ANO9: variants seen among roughly 807,000 people sequenced by gnomAD.
ANO9 encodes anoctamin-9.
In ANO9, 80 loss-of-function variants were observed where a neutral mutation model predicts 100.5. The observed-to-expected ratio is 0.80, with a 90% CI of 0.66 to 0.96. The LOEUF (loss-of-function observed/expected upper bound fraction) is 0.96, where lower values mean the gene tolerates loss of function less well. Ranked by LOEUF, ANO9 falls within the 40% of genes least tolerant of loss-of-function variation. The probability of loss-of-function intolerance (pLI) is 0.00; values close to 1 mark genes in which losing one functional copy is unlikely to be tolerated. For missense variants in ANO9, 1,064 were observed against 1,072.7 expected (o/e 0.99, Z 0.11); for synonymous variants, 473 against 435.6 (o/e 1.09, Z -1.07).
rs376441794 is a variant in ANO9 at position 428,718 on chromosome 11, G to C, written c.1020+4C>G. The C allele has an allele frequency of 6.2e-7, 1 of 1,613,096 alleles. No homozygotes were observed. The highest frequency in any genetic ancestry group is 8.5e-7 in the Non-Finnish European group (1 of 1,179,916). ...CCAGCCCCACCGCGGTGTCCCCTGC[G>C]TACCATGAGCAGGGTCAGGACGAGG... is the stretch of plus-strand genomic sequence containing the variant. On this transcript the variant is annotated splice_donor_region_variant and intron_variant, in intron 12 of 22. Coordinates refer to ENST00000332826, the MANE Select transcript of ANO9 (RefSeq NM_001012302.3).
chr11:428,203 G>A lies in ANO9; in HGVS notation c.1223-4C>T. ...TCCGAGAAGGTCCTGGGCATCTCTG[G>A]AATGGGACCGGCCCTCACCTCTCTC... On this transcript the variant is annotated splice_polypyrimidine_tract_variant and splice_region_variant and intron_variant, in intron 14 of 22. Coordinates refer to ENST00000332826, the MANE Select transcript of ANO9 (RefSeq NM_001012302.3). 1.2e-6 allele frequency: 2 copies of A among 1,611,994 alleles called. No individual in the cohort carries two copies. Among genetic ancestry groups the A allele is most frequent in the Non-Finnish European group, 1.7e-6 (2 of 1,179,564 alleles).
rs1847967766 is a variant in ANO9 at position 418,411 on chromosome 11, G to A, written c.2309C>T (p.Thr770Ile). ...GSRPPMPAHP[T>I]PASIFSARST... ...CCTGGCACTGAAGATGGATGCTGGG[G>A]TGGGATGGGCAGGCATTGGGGGCCG... The change falls in exon 23 of 23, where the codon ACC becomes ATC. Residue 770 changes from threonine (T) to isoleucine (I), a missense_variant. By Grantham distance (89) the Thr-to-Ile change is moderately conservative (BLOSUM62 -1). Coordinates refer to ENST00000332826, the MANE Select transcript of ANO9 (RefSeq NM_001012302.3). 8 of 1,612,406 alleles carry A rather than the reference G, an allele frequency of 5.0e-6. No homozygotes were observed. In the African/African-American group the frequency reaches 6.7e-5, roughly 13 times the overall value.
rs746855069 is a variant in ANO9, at chr11:430,370, G to A, written c.573C>T (p.Phe191=). The change falls in exon 8 of 23, where the codon TTC becomes TTT. Residue 191 remains phenylalanine (F), a synonymous_variant. Coordinates refer to ENST00000332826, the MANE Select transcript of ANO9 (RefSeq NM_001012302.3). The part of the protein sequence containing the change: ...NYFGEKVALY[F]VWLGWYTYML... ...TGTAGGTGTACCAGCCCAGCCAGACGAAGTACAGGGCCACCTTTTCCCCAA... is the reference window on the plus strand; with the variant it reads ...TGTAGGTGTACCAGCCCAGCCAGACAAAGTACAGGGCCACCTTTTCCCCAA... 1.1e-5 allele frequency: 17 copies of A among 1,604,278 alleles called. 1 individual carries two copies. Among genetic ancestry groups the A allele is most frequent in the Admixed American group, 8.5e-5 (5 of 59,090 alleles).
chr11:419,375 G>T, intron 20 of ANO9: 1 of 1,419,858 alleles, frequency 7.0e-7, no homozygotes, highest in Non-Finnish European at 9.2e-7. Context: ...CCCAACTGCG[G>T]TCCTGGCCAG....
chr11:421,303 G>A lies in ANO9; in HGVS notation c.1335-105C>T. 8.1e-7 allele frequency: 1 copy of A among 1,231,332 alleles called. No homozygotes were observed. The highest frequency in any genetic ancestry group is 1.1e-6 in the Non-Finnish European group (1 of 917,822). 76.3% of individuals were successfully genotyped at this position (1,231,332 alleles called of 1,614,324 possible). On this transcript the variant is annotated intron_variant, in intron 15 of 22. Transcript: ENST00000332826. This position sits in a 1 kb window ranked among gnomAD's most constrained non-coding sequence, Gnocchi z 6.8. ...GTAGGAAAGACACAGAACAGGCGGG[G>A]CAGGCCCTGCAGGTGAGCGGGGCAC... is the stretch of plus-strand genomic sequence containing the variant.
intron 1 of ANO9, among the ~76,000 whole-genome samples, chr11:438,579 G>A (rs1384800219): frequency 2.0e-5 from 3 of 150,894 alleles, no homozygotes; most frequent in African/African-American, 4.9e-5. Context: ...CCGTCCATCT[G>A]TCCATCCGTC....
rs545589353 is a variant in ANO9, at chr11:433,450, C to T, written c.214G>A (p.Asp72Asn). The change falls in exon 4 of 23, where the codon GAC (aspartate) becomes AAC (asparagine). Residue 72 changes from aspartate to asparagine, a missense_variant. Coordinates refer to ENST00000332826, the MANE Select transcript of ANO9 (RefSeq NM_001012302.3). ...ATCCCAAAGAAGACCTGTTTCTGGTCCCGGATCACCTGGGGGCACATGGGA... is the reference window on the plus strand; with the variant it reads ...ATCCCAAAGAAGACCTGTTTCTGGTTCCGGATCACCTGGGGGCACATGGGA... ...RKGFHIKVIR[D>N]QKQVFFGIRA... 3 of 1,613,256 alleles carry T rather than the reference C, an allele frequency of 1.9e-6. No individual in the cohort carries two copies. The highest frequency in any genetic ancestry group is 1.1e-5 in the South Asian group (1 of 91,076).
At position 421,434 on chromosome 11, in the gene ANO9, G is replaced by GGC. The variant is rs1286096729; in HGVS notation, c.1335-238_1335-237dup. ...CCCAGATGAACCGCACCCACACGTG[G>GGC]GCGCGCGCACACACACACACACCCC... is the stretch of plus-strand genomic sequence containing the variant. On this transcript the variant is annotated intron_variant, in intron 15 of 22. Transcript: ENST00000332826. This position sits in a 1 kb window ranked among gnomAD's most constrained non-coding sequence, Gnocchi z 6.8. 3.9e-5 allele frequency: 15 copies of GGC among 389,292 alleles called. No homozygotes were observed. The highest frequency in any genetic ancestry group is 2.6e-4 in the African/African-American group (11 of 42,480). 24.1% of individuals were successfully genotyped at this position (389,292 alleles called of 1,614,324 possible).
intron 20 of ANO9, chr11:419,333 C>A: frequency 7.1e-7 from 1 of 1,412,072 alleles, no homozygotes; most frequent in Non-Finnish European, 9.2e-7. Context: ...GCAGGGCCTA[C>A]TCAGGAGGCA....
Position 430,262 on chromosome 11 carries a change from G to T in ANO9, c.674+7C>A, listed in dbSNP as rs774715934. On this transcript the variant is annotated splice_region_variant and intron_variant, in intron 8 of 22. Transcript: ENST00000332826. ...GCCCCCCATGCCCGGCCCCTGCTGC[G>T]GCCCACCTGATCTGGCTGGCCTCAA... The T allele has an allele frequency of 1.3e-6, 2 of 1,560,260 alleles. No homozygotes were observed. Among genetic ancestry groups the T allele is most frequent in the Non-Finnish European group, 1.7e-6 (2 of 1,153,080 alleles).
At chr11:418,635 G>C in intron 22 of ANO9, 46 bp from the exon 23 acceptor site, 1 of 1,610,948 alleles carries the variant, frequency 6.2e-7, no homozygotes, top group Non-Finnish European at 8.5e-7. Flanking sequence ...GTGCCAGCTG[G>C]CATTTGGGGG....
chr11:429,269 C>T (rs560602525), intron 11 of ANO9, among the ~76,000 whole-genome samples: 25 of 123,256 alleles, frequency 2.0e-4, no homozygotes, highest in African/African-American at 6.8e-4. Context: ...TGGACAGACA[C>T]GGGACACTCA....
Position 431,716 on chromosome 11 carries a change from C to G in ANO9, c.517G>C (p.Glu173Gln). ...TWARWRHMFREQPVDEIRNYF... is the reference protein window; with the variant it reads ...TWARWRHMFRQQPVDEIRNYF... ...TACCTGATTTCATCAACTGGCTGCTCCCGGAACATGTGTCTCCACCGCGCC... is the reference window on the plus strand; with the variant it reads ...TACCTGATTTCATCAACTGGCTGCTGCCGGAACATGTGTCTCCACCGCGCC... The change falls in exon 7 of 23, where the codon GAG becomes CAG. Residue 173 changes from glutamate to glutamine, a missense_variant. Coordinates refer to ENST00000332826, the MANE Select transcript of ANO9 (RefSeq NM_001012302.3). 6.2e-7 allele frequency: 1 copy of G among 1,612,576 alleles called. No homozygotes were observed. Among genetic ancestry groups the G allele is most frequent in the Non-Finnish European group, 8.5e-7 (1 of 1,179,540 alleles).
chr11:418,696 A>G, intron 22 of ANO9, 24 bp downstream of exon 22: 2 of 1,612,540 alleles, frequency 1.2e-6, no homozygotes, highest in South Asian at 1.1e-5. Context: ...ACCCACTCCG[A>G]GGCCTCTCCC....
At chr11:440,272 G>A (rs953529917) in intron 1 of ANO9, 2 of 152,334 alleles carry the variant, frequency 1.3e-5, no homozygotes, top group African/African-American at 4.8e-5. Flanking sequence ...GGGCAAGAAG[G>A]GAGCTGCCAG....
chr11:420,850 G>A lies in ANO9; in HGVS notation c.1501C>T (p.His501Tyr), dbSNP rs1160882020. Reference sequence around the variant, plus strand: ...GAGGCCCGCAGAGAGCGGCACTTGTGGGTCACCCACCTGCGGGGAGAGCTG... The same window carrying A: ...GAGGCCCGCAGAGAGCGGCACTTGTAGGTCACCCACCTGCGGGGAGAGCTG... ...CVEYLVPWVT[H>Y]KCRSLRASES... Residue 501 changes from histidine (H) to tyrosine (Y), a missense_variant, in exon 18 of 23, where the codon CAC becomes TAC. Coordinates refer to ENST00000332826, the MANE Select transcript of ANO9 (RefSeq NM_001012302.3). 1.9e-5 allele frequency: 31 copies of A among 1,591,354 alleles called. No homozygotes were observed. Among genetic ancestry groups the A allele is most frequent in the Non-Finnish European group, 2.6e-5 (30 of 1,172,528 alleles).
intron 1 of ANO9, among the ~76,000 whole-genome samples, chr11:437,405 G>C (rs1845449319): frequency 6.6e-6 from 1 of 152,118 alleles, no homozygotes; most frequent in Non-Finnish European, 1.5e-5. Flanking sequence ...TCCCTGCGGG[G>C]GGAAGTTCTT....
In ANO9 at chr11:430,164, C is replaced by G; in HGVS notation, c.690G>C (p.Glu230Asp). Residue 230 changes from glutamate to aspartate, a missense_variant, in exon 9 of 23, where the codon GAG becomes GAC. Physicochemically the swap from Glu to Asp is conservative, Grantham distance 45. Coordinates refer to ENST00000332826, the MANE Select transcript of ANO9 (RefSeq NM_001012302.3). Reference sequence around the variant, plus strand: ...GGGGACACATGAGGATGTCGTGGGCCTCACAGATCTCCTTGCTGAAGGGGC... The same window carrying G: ...GGGGACACATGAGGATGTCGTGGGCGTCACAGATCTCCTTGCTGAAGGGGC... ...EASQISKEIC[E>D]AHDILMCPLG... 5 of 1,552,308 alleles carry G rather than the reference C, an allele frequency of 3.2e-6. No individual in the cohort carries two copies. Among genetic ancestry groups the G allele is most frequent in the Non-Finnish European group, 4.4e-6 (5 of 1,148,298 alleles).
rs773039801 is a variant in ANO9 at position 428,350 on chromosome 11, C to T, written c.1222+8G>A. On this transcript the variant is annotated splice_region_variant and intron_variant, in intron 14 of 22. Transcript: ENST00000332826. ...GTCCCCCAAGAGGGTCTGGGGTAGT[C>T]CTCTCACCGAAGTCACAAAGCTTCA... 6.2e-7 allele frequency: 1 copy of T among 1,612,474 alleles called. No homozygotes were observed. Among genetic ancestry groups the T allele is most frequent in the East Asian group, 2.2e-5 (1 of 44,804 alleles).
Sources: allele counts gnomAD v4.1 joint callset (sites outside exome capture counted in the v4.1 genomes callset), GRCh38; gene constraint gnomAD v4.1.1; non-coding constraint Gnocchi (gnomAD v3.1); transcripts MANE v1.5; gene names NCBI Gene and HGNC (gene_info 2026-07-23, HGNC 2026-07-21).